Variants in CPEB4 observed in about 807,000 individuals in gnomAD.
CPEB4 encodes cytoplasmic polyadenylation element-binding protein 4.
Under a neutral mutation model 72.5 loss-of-function variants are expected in CPEB4, and 12 were observed. The ratio of observed to expected loss-of-function variants is 0.17; its 90% confidence interval spans 0.11 to 0.27. The LOEUF is 0.27. CPEB4 is among the 10% of genes least tolerant of loss of function. CPEB4 has a pLI of 1.00. For synonymous variants in CPEB4, 302 were observed against 326.3 expected, an observed-to-expected ratio of 0.93 and a Z score of 0.80; for missense variants, 614 against 908.5, an observed-to-expected ratio of 0.68 and a Z score of 4.17.
intron 1 of CPEB4, among the ~76,000 whole-genome samples, chr5:173,906,907 A>G (rs1407008583): frequency 6.6e-6 from 1 of 152,214 alleles, no homozygotes; most frequent in Non-Finnish European, 1.5e-5. Flanking sequence ...TGGGGTGCCC[A>G]TGGGGCAGGG....
chr5:173,919,627 G>C (rs1757004935), intron 2 of CPEB4, among the ~76,000 whole-genome samples: 1 of 152,200 alleles, frequency 6.6e-6, no homozygotes, highest in Admixed American at 6.5e-5. Flanking sequence ...GTCTATGAAG[G>C]TCTTAAGGCT....
intron 1 of CPEB4, among the ~76,000 whole-genome samples, chr5:173,909,012 C>G (rs770141695): frequency 3.3e-5 from 5 of 152,134 alleles, no homozygotes; most frequent in Non-Finnish European, 2.9e-5. Context: ...TCATCTCCTA[C>G]TTTCAATGTA....
Position 173,910,021 on chromosome 5 carries a change from AT to A in CPEB4, c.1126-491del, listed in dbSNP as rs1286989602. On this transcript the variant is annotated intron_variant, in intron 1 of 9. Coordinates refer to ENST00000265085, the MANE Select transcript of CPEB4 (RefSeq NM_030627.4). ...TCAAAAAAAAAAAAAGATTTCTCTCATTTTTTTTTTTGTATGCTTTACCATT... is the reference window on the plus strand; with the variant it reads ...TCAAAAAAAAAAAAAGATTTCTCTCATTTTTTTTTTGTATGCTTTACCATT... Among the ~76,000 whole-genome samples, 357 of 144,742 alleles carry A rather than the reference AT, an allele frequency of 2.5e-3. 2 individuals carry two copies. The highest frequency in any genetic ancestry group is 9.9e-3 in the Admixed American group (143 of 14,448). The allele number at this position is 144,742 out of a possible 152,430, so 95.0% of individuals were successfully genotyped here.
Position 173,945,029 on chromosome 5 carries a change from C to T in CPEB4, c.1345C>T (p.Leu449Phe), listed in dbSNP as rs774341529. The change falls in exon 5 of 10, where the codon CTT becomes TTT. Residue 449 changes from leucine (L) to phenylalanine (F), a missense_variant. Physicochemically the swap from Leu to Phe is conservative, Grantham distance 22 (BLOSUM62 0). Around this residue, in one of 5 missense-constraint regions of CPEB4, gnomAD observed 458 missense variants for 548.6 expected, o/e 0.83. Transcript: ENST00000265085. ...GGATGATGGCCGTGGGGATCAGCCT[C>T]TTCATAGTGGCCTGGGTTCACCTCA... ...FLDDGRGDQP[L>F]HSGLGSPHCF... 4 of 1,613,996 alleles carry T rather than the reference C, an allele frequency of 2.5e-6. No homozygotes were observed. The highest frequency in any genetic ancestry group is 3.3e-5 in the Admixed American group (2 of 60,008).
Position 173,889,440 on chromosome 5 carries a change from ACTAAC to A in CPEB4, c.-292_-288del. The A allele has an allele frequency of 7.5e-6, 2 of 266,260 alleles. No individual in the cohort carries two copies. The highest frequency in any genetic ancestry group is 1.4e-5 in the Non-Finnish European group (2 of 142,028). 16.5% of individuals were successfully genotyped at this position (266,260 alleles called of 1,614,324 possible). On this transcript the variant is annotated 5_prime_UTR_variant, in exon 1 of 10. The change abolishes the stop of an existing upstream ORF in the 5' untranslated region. Coordinates refer to ENST00000265085, the MANE Select transcript of CPEB4 (RefSeq NM_030627.4). ...TTTGGAAAAAGAAAGCGCCTATTTT[ACTAAC>A]CAAAGACTTGATTTTTACCCTCTTC...
At chr5:173,898,532 A>G (rs2113136317) in intron 1 of CPEB4, among the ~76,000 whole-genome samples, 1 of 152,322 alleles carries the variant, frequency 6.6e-6, no homozygotes, top group East Asian at 1.9e-4. Context: ...AAAATGAAAT[A>G]TGTCTAATAT....
intron 5 of CPEB4, among the ~76,000 whole-genome samples, chr5:173,946,982 TAGTGAGCCCTTATGATAC>T (rs2113282544): frequency 6.6e-6 from 1 of 152,124 alleles, no homozygotes; most frequent in African/African-American, 2.4e-5. Flanking sequence ...AGGGCTCACA[TAGTGAGCCCTTATGATAC>T]CTATGAGAAT....
chr5:173,953,068 C>A, intron 8 of CPEB4, 23 bp from the exon 9 acceptor site: 1 of 1,544,538 alleles, frequency 6.5e-7, no homozygotes, highest in Non-Finnish European at 8.8e-7. Flanking sequence ...TTTAAATATC[C>A]TCCTTGTTCC....
intron 2 of CPEB4, among the ~76,000 whole-genome samples, chr5:173,927,830 A>G (rs1326910740): frequency 6.6e-6 from 1 of 152,232 alleles, no homozygotes; most frequent in Non-Finnish European, 1.5e-5. Flanking sequence ...TGCCTACGCA[A>G]AAGCCTGCGT....
chr5:173,891,144 C>T (rs1323441408), intron 1 of CPEB4, among the ~76,000 whole-genome samples: 8 of 150,516 alleles, frequency 5.3e-5, no homozygotes, highest in African/African-American at 1.5e-4. Flanking sequence ...TCTTGCCTGA[C>T]ATGAGAATCA....
rs1009345308 is a variant in CPEB4 at position 173,889,467 on chromosome 5, C to G, written c.-267C>G. Reference sequence around the variant, plus strand: ...TAACCAAAGACTTGATTTTTACCCTCTTCATTTTTATTCCCTCCTAAAAAT... The same window carrying G: ...TAACCAAAGACTTGATTTTTACCCTGTTCATTTTTATTCCCTCCTAAAAAT... On this transcript the variant is annotated 5_prime_UTR_variant, in exon 1 of 10. Transcript: ENST00000265085. 3.0e-6 allele frequency: 1 copy of G among 336,574 alleles called. No homozygotes were observed. The highest frequency in any genetic ancestry group is 5.4e-6 in the Non-Finnish European group (1 of 186,462). 20.8% of individuals were successfully genotyped at this position (336,574 alleles called of 1,614,324 possible). A position where few individuals can be genotyped will look rare whatever the true frequency, so the allele number is the denominator to read the frequency against.
Position 173,961,217 on chromosome 5 carries a change from A to T in CPEB4, c.*5080A>T, listed in dbSNP as rs745362421. ...TCCCAAACCTTACGTTGAGCATTCA[A>T]TGAAGGGCCTTGAGGAAACCCCAGG... On this transcript the variant is annotated 3_prime_UTR_variant, in exon 10 of 10. Coordinates refer to ENST00000265085, the MANE Select transcript of CPEB4 (RefSeq NM_030627.4). 4 of 152,198 alleles carry T rather than the reference A, an allele frequency of 2.6e-5. No homozygotes were observed. The highest frequency in any genetic ancestry group is 2.6e-4 in the Admixed American group (4 of 15,272). 9.4% of individuals were successfully genotyped at this position (152,198 alleles called of 1,614,324 possible). A position where few individuals can be genotyped will look rare whatever the true frequency, so the allele number is the denominator to read the frequency against.
chr5:173,901,589 T>G (rs1196059919), intron 1 of CPEB4, among the ~76,000 whole-genome samples: 1 of 152,172 alleles, frequency 6.6e-6, no homozygotes, highest in African/African-American at 2.4e-5. Context: ...AAACAAAACT[T>G]CACTTAAACC....
chr5:173,896,010 G>A (rs188592137), intron 1 of CPEB4, among the ~76,000 whole-genome samples: 3 of 152,302 alleles, frequency 2.0e-5, no homozygotes, highest in Non-Finnish European at 2.9e-5. Flanking sequence ...GAAAGTCATC[G>A]TTGTTGGTGT....
At position 173,890,232 on chromosome 5, in the gene CPEB4, G is replaced by A; in HGVS notation, c.499G>A (p.Gly167Ser). 5.0e-6 allele frequency: 8 copies of A among 1,614,098 alleles called. No homozygotes were observed. The highest frequency in any genetic ancestry group is 6.8e-6 in the Non-Finnish European group (8 of 1,179,982). ...PLTSSASSLT[G>S]FSNWSAAIAP... ...GACATCTAGCGCATCGTCTCTTACT[G>A]GTTTCAGTAACTGGTCAGCAGCGAT... The change falls in exon 1 of 10, where the codon GGT becomes AGT. Residue 167 changes from glycine to serine, a missense_variant. Coordinates refer to ENST00000265085, the MANE Select transcript of CPEB4 (RefSeq NM_030627.4).
At chr5:173,922,870 G>A (rs1277277647) in intron 2 of CPEB4, among the ~76,000 whole-genome samples, 2 of 152,190 alleles carry the variant, frequency 1.3e-5, no homozygotes, top group Admixed American at 1.3e-4. Flanking sequence ...TGTGCACCAG[G>A]TACTATGGTT....
intron 2 of CPEB4, among the ~76,000 whole-genome samples, chr5:173,922,686 C>T (rs761406113): frequency 6.6e-6 from 1 of 152,246 alleles, no homozygotes; most frequent in Non-Finnish European, 1.5e-5. Context: ...TTGTTCTCTT[C>T]CCTGATTCTG....
At chr5:173,939,421 T>A (rs1249358513) in intron 3 of CPEB4, among the ~76,000 whole-genome samples, 1 of 152,220 alleles carries the variant, frequency 6.6e-6, no homozygotes, top group African/African-American at 2.4e-5. Context: ...GGGTACTTTG[T>A]TTCTTTTTGA....
chr5:173,942,865 C>A (rs1286803657), intron 3 of CPEB4, among the ~76,000 whole-genome samples, 161 bp from the exon 4 acceptor site: 1 of 152,160 alleles, frequency 6.6e-6, no homozygotes, highest in African/African-American at 2.4e-5. Flanking sequence ...CTCTTACCTC[C>A]CGTTCCTTGT....
Sources: gnomAD v4.1 joint callset for allele counts (sites outside exome capture counted in the v4.1 genomes callset) on GRCh38, gnomAD v4.1.1 for gene constraint, gnomAD v4.1.1 regional missense constraint, MANE v1.5 for transcripts, NCBI Gene and HGNC (gene_info 2026-07-23, HGNC 2026-07-21) for gene names.